Variants in MRPS10 observed in about 807,000 individuals in gnomAD.
The protein encoded by MRPS10 is mitochondrial ribosomal protein S10, also known as small ribosomal subunit protein uS10m.
In MRPS10, 23 loss-of-function variants were observed where a neutral mutation model predicts 27.5. That is an observed-to-expected ratio of 0.84 (90% CI 0.60 to 1.18). The LOEUF is 1.18. Ranked by LOEUF, MRPS10 falls within the 50% of genes most tolerant of loss-of-function variation. The pLI is 0.00. For missense variants in MRPS10, 237 were observed against 240.1 expected, an observed-to-expected ratio of 0.99 and a Z score of 0.09; for synonymous variants, 88 against 84.2, an observed-to-expected ratio of 1.04 and a Z score of -0.25.
chr6:42,216,722 A>G (rs996797911), intron 1 of MRPS10, among the ~76,000 whole-genome samples: 27 of 152,046 alleles, frequency 1.8e-4, no homozygotes, highest in Admixed American at 7.2e-4. Context: ...GAGGTAGGAG[A>G]ATCACTTGAA....
chr6:42,214,804 T>C (rs1768875051), intron 1 of MRPS10, among the ~76,000 whole-genome samples: 1 of 152,216 alleles, frequency 6.6e-6, no homozygotes, highest in African/African-American at 2.4e-5. Flanking sequence ...CTTTCATACA[T>C]CTTTTAAAGC....
intron 1 of MRPS10, among the ~76,000 whole-genome samples, chr6:42,217,222 G>A (rs1768967084): frequency 6.6e-6 from 1 of 152,054 alleles, no homozygotes; most frequent in South Asian, 2.1e-4. Flanking sequence ...AATATAGATA[G>A]CAAAAACCCA....
chr6:42,207,704 A>C lies in MRPS10; in HGVS notation c.*585T>G, dbSNP rs1309805309. The C allele has an allele frequency of 6.6e-6, 1 of 152,256 alleles. No homozygotes were observed. The highest frequency in any genetic ancestry group is 1.9e-4 in the East Asian group (1 of 5,202). The allele number at this position is 152,256 out of a possible 1,614,324, so 9.4% of individuals were successfully genotyped here. A position where few individuals can be genotyped will look rare whatever the true frequency, so the allele number is the denominator to read the frequency against. On this transcript the variant is annotated 3_prime_UTR_variant, in exon 7 of 7. Transcript: ENST00000053468. ...GTAACCCTGGTAGGCAACTCTATAA[A>C]GTTCTGGGCTCCAAGAAGAGGTCAG...
intron 6 of MRPS10, 25 bp downstream of exon 6, chr6:42,208,833 A>C: frequency 1.3e-6 from 2 of 1,508,782 alleles, no homozygotes; most frequent in Non-Finnish European, 9.2e-7. Context: ...CGCCCCACCG[A>C]AAGAGGCAGA....
chr6:42,214,153 G>T lies in MRPS10; in HGVS notation c.153C>A (p.His51Gln). The change falls in exon 3 of 7, where the codon CAC becomes CAA. Residue 51 changes from histidine (H) to glutamine (Q), a missense_variant. Coordinates refer to ENST00000053468, the MANE Select transcript of MRPS10 (RefSeq NM_018141.4). ...TGGTCAAATCCTTTGGAACATCAAC[G>T]TGTAGGTTTGAAAACTGTACCCACT... Reference protein sequence around the residue: ...NMKWVQFSNLHVDVPKDLTKP... With the variant: ...NMKWVQFSNLQVDVPKDLTKP... 6.2e-7 allele frequency: 1 copy of T among 1,613,110 alleles called. No individual in the cohort carries two copies. The highest frequency in any genetic ancestry group is 8.5e-7 in the Non-Finnish European group (1 of 1,179,560).
chr6:42,217,403 G>A (rs768900980), intron 1 of MRPS10, among the ~76,000 whole-genome samples: 1 of 152,174 alleles, frequency 6.6e-6, no homozygotes, highest in African/African-American at 2.4e-5. Flanking sequence ...TTGGATGCCA[G>A]GAAAGCATCT....
In MRPS10 at chr6:42,208,033, A is replaced by C; in HGVS notation, c.*256T>G. Reference sequence around the variant, plus strand: ...AGTAGCGTAACAAAATAGAATTTTCACTCTTTCTGCTTTCAGTCAAAGTGG... The same window carrying C: ...AGTAGCGTAACAAAATAGAATTTTCCCTCTTTCTGCTTTCAGTCAAAGTGG... On this transcript the variant is annotated 3_prime_UTR_variant, in exon 7 of 7. Transcript: ENST00000053468. The C allele has an allele frequency of 2.2e-6, 1 of 458,064 alleles. No homozygotes were observed. 28.4% of individuals were successfully genotyped at this position (458,064 alleles called of 1,614,324 possible).
At chr6:42,215,321 C>T (rs1272099087) in intron 1 of MRPS10, among the ~76,000 whole-genome samples, 1 of 111,606 alleles carries the variant, frequency 9.0e-6, no homozygotes, top group Non-Finnish European at 1.7e-5. Flanking sequence ...ACCCGGGAGG[C>T]GGAGGTCCAG....
chr6:42,217,434 AG>A (rs1195107360), intron 1 of MRPS10, among the ~76,000 whole-genome samples: 6 of 152,328 alleles, frequency 3.9e-5, no homozygotes, highest in Admixed American at 1.3e-4. Context: ...CCATGGGAAG[AG>A]TCTGATATCT....
chr6:42,212,462 AT>A (rs1368930476), intron 3 of MRPS10, among the ~76,000 whole-genome samples: 2 of 151,992 alleles, frequency 1.3e-5, no homozygotes, highest in Non-Finnish European at 2.9e-5. Context: ...AGTTAGTTCT[AT>A]TCATATTTTT....
At position 42,214,288 on chromosome 6, in the gene MRPS10, G is replaced by A. The variant is rs1158185513; in HGVS notation, c.105C>T (p.Gly35=). The part of the protein sequence containing the change: ...TSKGNTAKNG[G]LLLSTNMKWV... ...TCCAATTGTATACTTACAGAAGCAA[G>A]CCACCATTTTTGGCTGTATTGCCCT... The change falls in exon 2 of 7, where the codon GGC becomes GGT. Residue 35 remains glycine, a synonymous_variant. Transcript: ENST00000053468. 5 of 1,612,390 alleles carry A rather than the reference G, an allele frequency of 3.1e-6. No individual in the cohort carries two copies. Among genetic ancestry groups the A allele is most frequent in the South Asian group, 1.1e-5 (1 of 90,852 alleles).
chr6:42,214,483 G>GAA, intron 1 of MRPS10, 139 bp from the exon 2 acceptor site: 4 of 449,568 alleles, frequency 8.9e-6, no homozygotes, highest in Admixed American at 4.2e-5. Flanking sequence ...AAATTAGATT[G>GAA]AAAAAAAAAA....
intron 4 of MRPS10, among the ~76,000 whole-genome samples, chr6:42,211,319 T>C (rs1375052904): frequency 1.3e-5 from 2 of 152,230 alleles, no homozygotes; most frequent in East Asian, 1.9e-4. Flanking sequence ...CAGGAAGGCA[T>C]GATCCTGATT....
chr6:42,214,079 G>A lies in MRPS10; in HGVS notation c.186+41C>T, dbSNP rs369643748. On this transcript the variant is annotated intron_variant, in intron 3 of 6. Transcript: ENST00000053468. ...AATGAAATAATAAGGAAAACCTATT[G>A]CCAAGGTAGCTCCTTATACCAAGAA... 1.5e-5 allele frequency: 23 copies of A among 1,494,292 alleles called. No homozygotes were observed. In the African/African-American group the frequency reaches 2.8e-4, roughly 18 times the overall value. The allele number at this position is 1,494,292 out of a possible 1,614,324, so 92.6% of individuals were successfully genotyped here.
chr6:42,217,113 G>GA (rs1374852390), intron 1 of MRPS10, among the ~76,000 whole-genome samples: 1 of 152,130 alleles, frequency 6.6e-6, no homozygotes, highest in Non-Finnish European at 1.5e-5. Flanking sequence ...AGTTTGTTCA[G>GA]AAAATATATT....
intron 1 of MRPS10, among the ~76,000 whole-genome samples, 171 bp downstream of exon 1, chr6:42,217,631 C>A (rs1768978582): frequency 6.6e-6 from 1 of 152,168 alleles, no homozygotes; most frequent in Admixed American, 6.5e-5. Context: ...TATTTAATTC[C>A]ATGAGAGAAT....
chr6:42,208,007 C>T lies in MRPS10; in HGVS notation c.*282G>A. The T allele has an allele frequency of 2.5e-6, 1 of 397,198 alleles. No individual in the cohort carries two copies. Among genetic ancestry groups the T allele is most frequent in the Non-Finnish European group, 4.5e-6 (1 of 223,956 alleles). The allele number at this position is 397,198 out of a possible 1,614,324, so 24.6% of individuals were successfully genotyped here. A position where few individuals can be genotyped will look rare whatever the true frequency, so the allele number is the denominator to read the frequency against. ...ATGGTACAAACTAATAATTGAACAC[C>T]AGTAGCGTAACAAAATAGAATTTTC... On this transcript the variant is annotated 3_prime_UTR_variant, in exon 7 of 7. Coordinates refer to ENST00000053468, the MANE Select transcript of MRPS10 (RefSeq NM_018141.4).
At chr6:42,216,318 G>A (rs1234000863) in intron 1 of MRPS10, among the ~76,000 whole-genome samples, 4 of 147,394 alleles carry the variant, frequency 2.7e-5, no homozygotes, top group Admixed American at 6.9e-5. Flanking sequence ...CACCGTGCCC[G>A]GCCAAGAAGT....
At chr6:42,215,420 A>C (rs1768898580) in intron 1 of MRPS10, among the ~76,000 whole-genome samples, 1 of 151,484 alleles carries the variant, frequency 6.6e-6, no homozygotes, top group African/African-American at 2.4e-5. Context: ...ATTGTCACCT[A>C]AGTACGTTTT....
Sources: allele counts gnomAD v4.1 joint callset (sites outside exome capture counted in the v4.1 genomes callset), GRCh38; gene constraint gnomAD v4.1.1; transcripts MANE v1.5; gene names NCBI Gene and HGNC (gene_info 2026-07-23, HGNC 2026-07-21).